TNRC6B: variants seen among roughly 807,000 people sequenced by gnomAD.
TNRC6B encodes trinucleotide repeat containing adaptor 6B.
A neutral mutation model predicts 203.6 loss-of-function variants in TNRC6B; 52 were observed. The observed-to-expected ratio is 0.26, with a 90% CI of 0.20 to 0.32. The LOEUF (loss-of-function observed/expected upper bound fraction) is 0.32, where lower values mean the gene tolerates loss of function less well. Among genes scored for constraint, TNRC6B ranks in the 10% least tolerant of loss-of-function variants. The pLI, the probability that TNRC6B is intolerant of heterozygous loss-of-function variation, is 1.00. For synonymous variants in TNRC6B, 838 were observed against 845.7 expected (o/e 0.99, Z 0.16); for missense variants, 1,923 against 2,286.2 (o/e 0.84, Z 3.24).
intron 1 of TNRC6B, among the ~76,000 whole-genome samples, chr22:40,188,636 CT>C (rs1273336507): frequency 6.6e-6 from 1 of 152,154 alleles, no homozygotes; most frequent in African/African-American, 2.4e-5. Context: ...TCCTTTACCC[CT>C]CTGCTTACCG....
chr22:40,159,871 G>T (rs1319464851), intron 4 of TNRC6B, among the ~76,000 whole-genome samples: 2 of 151,860 alleles, frequency 1.3e-5, no homozygotes, highest in Non-Finnish European at 2.9e-5. Context: ...GGGTGCAATG[G>T]TACGATCATA....
At chr22:40,245,024 A>C (rs1234017722) in intron 1 of TNRC6B, among the ~76,000 whole-genome samples, 1 of 152,182 alleles carries the variant, frequency 6.6e-6, no homozygotes, top group Admixed American at 6.5e-5. Context: ...TGGTTGTCTT[A>C]ATTCATGTGT....
In TNRC6B at chr22:40,104,019, G is replaced by A. The variant is rs565527330; in HGVS notation, c.-120-13036G>A. On this transcript the variant is annotated intron_variant, in intron 1 of 23. Coordinates refer to the TNRC6B transcript ENST00000301923. Reference sequence around the variant, plus strand: ...TGTATTCCCAGCACTTTGGGAGGCCGAGGCAGGTGGATCACAAGGTCAGGA... The same window carrying A: ...TGTATTCCCAGCACTTTGGGAGGCCAAGGCAGGTGGATCACAAGGTCAGGA... Among the ~76,000 whole-genome samples, 577 of 151,410 alleles carry A rather than the reference G, an allele frequency of 3.8e-3. 10 individuals carry two copies. The highest frequency in any genetic ancestry group is 1.0e-3 in the Non-Finnish European group (70 of 67,810).
chr22:40,177,623 C>T (rs993042493), upstream of TNRC6B, among the ~76,000 whole-genome samples: 19 of 152,144 alleles, frequency 1.2e-4, no homozygotes, highest in African/African-American at 4.3e-4. Context: ...AACTAGCAAG[C>T]GAGCCAGGAG....
At chr22:40,170,839 GTACATATA>G (rs2068982864) in intron 4 of TNRC6B, among the ~76,000 whole-genome samples, 1 of 64,148 alleles carries the variant, frequency 1.6e-5, no homozygotes, top group African/African-American at 9.2e-5. Flanking sequence ...ATACATATAT[GTACATATA>G]TGTGTGTATA....
intron 1 of TNRC6B, among the ~76,000 whole-genome samples, chr22:40,058,382 C>T (rs2067818621): frequency 6.8e-6 from 1 of 147,114 alleles, no homozygotes; most frequent in Admixed American, 6.7e-5. Flanking sequence ...ACCTGTCCTC[C>T]AAAACTTGTG....
chr22:40,183,456 G>C (rs768710966), intron 1 of TNRC6B, among the ~76,000 whole-genome samples: 20 of 152,076 alleles, frequency 1.3e-4, no homozygotes, highest in Non-Finnish European at 2.6e-4. Flanking sequence ...GTCTGATGTC[G>C]TCTCTTCATA....
rs76520904 is a variant in TNRC6B, at chr22:40,053,160, TAA to T, written c.-121+8179_-121+8180del. The stretch of plus-strand genomic sequence containing the variant: ...ACTCGATGTGTTTGGAGATTTTCTT[TAA>T]AAAAAAAAAAAAAAAACTATGTTTA... On this transcript the variant is annotated intron_variant, in intron 1 of 23. Coordinates refer to the TNRC6B transcript ENST00000301923. 6.3e-3 allele frequency among the ~76,000 whole-genome samples: 858 copies of T among 135,482 alleles called. 7 individuals are homozygous for T. The highest frequency in any genetic ancestry group is 0.023 in the Middle Eastern group (6 of 262). The allele number at this position is 135,482 out of a possible 152,430, so 88.9% of individuals were successfully genotyped here. A position where few individuals can be genotyped will look rare whatever the true frequency, so the allele number is the denominator to read the frequency against.
Position 40,265,094 on chromosome 22 carries a change from T to G in TNRC6B, c.864T>G (p.Ser288Arg). The G allele has an allele frequency of 1.2e-6, 2 of 1,613,870 alleles. No homozygotes were observed. The highest frequency in any genetic ancestry group is 1.7e-6 in the Non-Finnish European group (2 of 1,179,866). The change falls in exon 5 of 23, where the codon AGT becomes AGG. Residue 288 changes from serine to arginine, a missense_variant. Transcript: ENST00000454349. ...GACTAGGAAATTGGAGGAATGTGAG[T>G]GGTCAGGATAGAATTGGACCTGGCT... ...NNGLGNWRNVSGQDRIGPGSG... is the reference protein window; with the variant it reads ...NNGLGNWRNVRGQDRIGPGSG...
At chr22:40,302,012 A>G (rs1223612765) in intron 15 of TNRC6B, among the ~76,000 whole-genome samples, 3 of 152,222 alleles carry the variant, frequency 2.0e-5, no homozygotes, top group African/African-American at 7.2e-5. Flanking sequence ...ACTCATATTA[A>G]TAAAATTGCC....
At chr22:40,135,999 T>C (rs1049059526) in intron 3 of TNRC6B, among the ~76,000 whole-genome samples, 8 of 152,140 alleles carry the variant, frequency 5.3e-5, no homozygotes, top group African/African-American at 1.7e-4. Context: ...GGTCCTGAGT[T>C]CTCAGGAGTT....
chr22:40,273,217 A>T (rs900855996), intron 6 of TNRC6B, among the ~76,000 whole-genome samples: 4 of 152,180 alleles, frequency 2.6e-5, no homozygotes, highest in Non-Finnish European at 5.9e-5. Context: ...CCTTGATTCT[A>T]TGGTTTGTTA....
intron 1 of TNRC6B, among the ~76,000 whole-genome samples, chr22:40,220,259 T>G (rs988810321): frequency 6.6e-6 from 1 of 152,140 alleles, no homozygotes; most frequent in Non-Finnish European, 1.5e-5. Flanking sequence ...TTGATAGCCA[T>G]GGACAGCCCA....
chr22:40,099,633 G>A (rs1828440327), intron 1 of TNRC6B, among the ~76,000 whole-genome samples: 1 of 152,148 alleles, frequency 6.6e-6, no homozygotes, highest in Non-Finnish European at 1.5e-5. Flanking sequence ...CATTTGCATT[G>A]TATTAGATAT....
At chr22:40,204,792 T>G (rs1486071041) in intron 1 of TNRC6B, among the ~76,000 whole-genome samples, 3 of 152,198 alleles carry the variant, frequency 2.0e-5, no homozygotes, top group Non-Finnish European at 4.4e-5. Context: ...TGCTGCTGCT[T>G]TTTCTATTTT....
Position 40,327,859 on chromosome 22 carries a change from T to G in TNRC6B, c.*4618T>G, listed in dbSNP as rs1375222987. 1 of 152,186 alleles carries G rather than the reference T, an allele frequency of 6.6e-6. No individual in the cohort carries two copies. The highest frequency in any genetic ancestry group is 2.4e-5 in the African/African-American group (1 of 41,450). 9.4% of individuals were successfully genotyped at this position (152,186 alleles called of 1,614,324 possible). ...AATTTGAGCTTTCCCTTTTTTTTTT[T>G]TAACTACTTTTTAAAACACTTGATT... On this transcript the variant is annotated 3_prime_UTR_variant, in exon 23 of 23. Transcript: ENST00000454349.
chr22:40,118,783 A>T (rs1000405108), intron 2 of TNRC6B, among the ~76,000 whole-genome samples: 1 of 152,208 alleles, frequency 6.6e-6, no homozygotes, highest in African/African-American at 2.4e-5. Context: ...AGTGTTACAG[A>T]TCCCATAATA....
chr22:40,058,918 A>AGTTGTCTT (rs1300934605), intron 1 of TNRC6B, among the ~76,000 whole-genome samples: 1 of 152,136 alleles, frequency 6.6e-6, no homozygotes, highest in African/African-American at 2.4e-5. Context: ...CTCTCTAGTC[A>AGTTGTCTT]GTTGTCTTGT....
Position 40,273,389 on chromosome 22 carries a change from G to C in TNRC6B, c.2966-36G>C, listed in dbSNP as rs200135497. 2.0e-6 allele frequency: 3 copies of C among 1,529,588 alleles called. No individual in the cohort carries two copies. In the African/African-American group the frequency reaches 4.1e-5, roughly 21 times the overall value. 94.8% of individuals were successfully genotyped at this position (1,529,588 alleles called of 1,614,324 possible). A position where few individuals can be genotyped will look rare whatever the true frequency, so the allele number is the denominator to read the frequency against. On this transcript the variant is annotated intron_variant, in intron 6 of 22. Coordinates refer to ENST00000454349, the MANE Select transcript of TNRC6B (RefSeq NM_001162501.2). Reference sequence around the variant, plus strand: ...ATTATTCTGATGATTGTTTTATATAGCTGTTGCAAAGAGTTAATTCATTCT... The same window carrying C: ...ATTATTCTGATGATTGTTTTATATACCTGTTGCAAAGAGTTAATTCATTCT...
Sources: allele counts gnomAD v4.1 joint callset (sites outside exome capture counted in the v4.1 genomes callset), GRCh38; gene constraint gnomAD v4.1.1; transcripts MANE v1.5; gene names NCBI Gene and HGNC (gene_info 2026-07-23, HGNC 2026-07-21).